The following GOLGA1 variants were observed in gnomAD, a reference collection of about 807,000 sequenced individuals.
GOLGA1 encodes the protein golgin subfamily A member 1.
A neutral mutation model predicts 119.7 loss-of-function variants in GOLGA1; 63 were observed. The observed-to-expected ratio is 0.53, with a 90% confidence interval of 0.43 to 0.65. GOLGA1 has a LOEUF of 0.65. Among genes scored for constraint, GOLGA1 ranks in the 30% least tolerant of loss-of-function variants. The pLI is 0.00. For synonymous variants in GOLGA1, 318 were observed against 333.4 expected, an observed-to-expected ratio of 0.95 and a Z score of 0.50; for missense variants, 798 against 912.8, an observed-to-expected ratio of 0.87 and a Z score of 1.62.
Position 124,932,956 on chromosome 9 carries a change from C to T in GOLGA1, c.136-1550G>A, listed in dbSNP as rs1428646367. Reference sequence around the variant, plus strand: ...TCGGAGACGATTCACCTCCTCATTCCATCACTCTAGTGATTAGGTTTCAAC... The same window carrying T: ...TCGGAGACGATTCACCTCCTCATTCTATCACTCTAGTGATTAGGTTTCAAC... On this transcript the variant is annotated intron_variant, in intron 3 of 22. Transcript: ENST00000373555. Among the ~76,000 whole-genome samples, 9 of 152,228 alleles carry T rather than the reference C, an allele frequency of 5.9e-5. No individual in the cohort carries two copies. In the East Asian group the frequency reaches 1.7e-3, roughly 29 times the overall value.
At chr9:124,920,889 C>T (rs1201793547) in intron 10 of GOLGA1, among the ~76,000 whole-genome samples, 3 of 151,004 alleles carry the variant, frequency 2.0e-5, no homozygotes, top group African/African-American at 7.3e-5. Flanking sequence ...ATATTTGAGT[C>T]GACCAAATGG....
In GOLGA1 at chr9:124,929,156, T is replaced by C. The variant is rs147165555; in HGVS notation, c.301+60A>G. 136 of 956,652 alleles carry C rather than the reference T, an allele frequency of 1.4e-4. 1 individual carries two copies. In the African/African-American group the frequency reaches 1.9e-3, roughly 13 times the overall value. 59.3% of individuals were successfully genotyped at this position (956,652 alleles called of 1,614,324 possible). A position where few individuals can be genotyped will look rare whatever the true frequency, so the allele number is the denominator to read the frequency against. ...AAGGACAAACTTAACCATACACTATTGTTTCATTTCAAAAACTAAACCTTG... is the reference window on the plus strand; with the variant it reads ...AAGGACAAACTTAACCATACACTATCGTTTCATTTCAAAAACTAAACCTTG... On this transcript the variant is annotated intron_variant, in intron 5 of 22. Transcript: ENST00000373555.
rs1299847047 is a variant in GOLGA1 at position 124,946,337 on chromosome 9, T to G, written c.-156+1581A>C. 1 of 152,220 alleles carries G rather than the reference T, an allele frequency of 6.6e-6. No homozygotes were observed. The highest frequency in any genetic ancestry group is 1.5e-5 in the Non-Finnish European group (1 of 68,034). The allele number at this position is 152,220 out of a possible 1,614,324, so 9.4% of individuals were successfully genotyped here. ...TACTATAATTGAAAAGTCTTATGAA[T>G]AGTTGGCTGTTTTATTTAAAATATA... On this transcript the variant is annotated intron_variant, in intron 1 of 4. Coordinates refer to the GOLGA1 transcript ENST00000421514. This position sits in a 1 kb window ranked among gnomAD's most constrained non-coding sequence, Gnocchi z 4.0.
At chr9:124,906,116 A>AAAATAAAT (rs60890510) in intron 12 of GOLGA1, among the ~76,000 whole-genome samples, 9,215 of 145,066 alleles carry the variant, frequency 0.064, 352 homozygotes, top group South Asian at 0.096. Context: ...GTGTCTCCAA[A>AAAATAAAT]AAATAAATAA....
At chr9:124,907,621 C>T (rs529749594) in intron 12 of GOLGA1, among the ~76,000 whole-genome samples, 1 of 152,038 alleles carries the variant, frequency 6.6e-6, no homozygotes, top group Admixed American at 6.6e-5. Context: ...AGACTGAAAC[C>T]CCCAAAGAAA....
At chr9:124,882,371 T>C (rs1588052425) in intron 20 of GOLGA1, 139 bp downstream of exon 20, 4 of 662,930 alleles carry the variant, frequency 6.0e-6, no homozygotes, top group East Asian at 2.7e-5. Flanking sequence ...CCAGCTAACG[T>C]TGGATTGCCC....
chr9:124,881,168 T>A lies in GOLGA1; in HGVS notation c.2223+3A>T. The stretch of plus-strand genomic sequence containing the variant: ...GCTGGAACAGTAGACCAGAGAACCC[T>A]ACCTTATATTCCAGAGTTTCCTTGA... On this transcript the variant is annotated splice_donor_region_variant and intron_variant, in intron 22 of 22. Coordinates refer to ENST00000373555, the MANE Select transcript of GOLGA1 (RefSeq NM_002077.4). The surrounding 1 kb of genome is among the most constrained non-coding windows in gnomAD (Gnocchi z 4.9). 1 of 1,456,270 alleles carries A rather than the reference T, an allele frequency of 6.9e-7. No homozygotes were observed. Among genetic ancestry groups the A allele is most frequent in the Non-Finnish European group, 9.7e-7 (1 of 1,034,976 alleles). 90.2% of individuals were successfully genotyped at this position (1,456,270 alleles called of 1,614,324 possible). A position where few individuals can be genotyped will look rare whatever the true frequency, so the allele number is the denominator to read the frequency against.
chr9:124,885,214 A>C (rs1047917969), intron 19 of GOLGA1, among the ~76,000 whole-genome samples: 1 of 152,056 alleles, frequency 6.6e-6, no homozygotes, highest in Non-Finnish European at 1.5e-5. Context: ...AGTCCCAGCT[A>C]CTTGGGAGGC....
Position 124,880,557 on chromosome 9 carries a change from G to A in GOLGA1, c.2277C>T (p.Ile759=), listed in dbSNP as rs1323143133. The A allele has an allele frequency of 1.9e-6, 3 of 1,609,438 alleles. No individual in the cohort carries two copies. The change falls in exon 23 of 23, where the codon ATC becomes ATT. Residue 759 remains isoleucine, a synonymous_variant. Coordinates refer to ENST00000373555, the MANE Select transcript of GOLGA1 (RefSeq NM_002077.4). ...PAPKGSIRPS[I]SNPRIPWS ...AGGACCATGGTATCCGAGGGTTTGA[G>A]ATAGACGGCCGGATGCTGCCCTTGG... is the stretch of plus-strand genomic sequence containing the variant.
At chr9:124,907,420 A>G (rs929964145) in intron 12 of GOLGA1, among the ~76,000 whole-genome samples, 9 of 152,246 alleles carry the variant, frequency 5.9e-5, no homozygotes, top group Admixed American at 5.2e-4. Context: ...TGACTTAGGA[A>G]CAGGAATAGA....
chr9:124,886,478 G>C (rs1829722864), intron 19 of GOLGA1, among the ~76,000 whole-genome samples: 1 of 152,188 alleles, frequency 6.6e-6, no homozygotes, highest in Non-Finnish European at 1.5e-5. Context: ...TGATGAGCTT[G>C]ACAAGAGTGT....
intron 15 of GOLGA1, 136 bp from the exon 16 acceptor site, chr9:124,890,614 C>T (rs549333887): frequency 1.4e-6 from 1 of 720,956 alleles, no homozygotes; most frequent in Non-Finnish European, 2.5e-6. Context: ...AGGCTCCCAG[C>T]CTGGCCCCTC....
At chr9:124,929,823 C>A (rs915710106) in intron 4 of GOLGA1, among the ~76,000 whole-genome samples, 1 of 152,066 alleles carries the variant, frequency 6.6e-6, no homozygotes, top group Non-Finnish European at 1.5e-5. Context: ...GTAACCTACG[C>A]TACATTAAAT....
upstream of GOLGA1, chr9:124,945,722 A>G (rs1831135563): frequency 6.6e-6 from 1 of 152,234 alleles, no homozygotes. Context: ...CTTCCCGTCA[A>G]TAGGTGATTG....
chr9:124,940,966 C>G lies in GOLGA1; in HGVS notation c.-206+5G>C, dbSNP rs990900794. 3.3e-5 allele frequency: 5 copies of G among 152,412 alleles called. No individual in the cohort carries two copies. The highest frequency in any genetic ancestry group is 5.9e-5 in the Non-Finnish European group (4 of 68,196). The allele number at this position is 152,412 out of a possible 1,614,324, so 9.4% of individuals were successfully genotyped here. A position where few individuals can be genotyped will look rare whatever the true frequency, so the allele number is the denominator to read the frequency against. Reference sequence around the variant, plus strand: ...CTCGCATTCCCGGAGTCCTGGCCCGCGCACCTGCCTCTCTCTGGGAAGCCA... The same window carrying G: ...CTCGCATTCCCGGAGTCCTGGCCCGGGCACCTGCCTCTCTCTGGGAAGCCA... On this transcript the variant is annotated splice_donor_5th_base_variant and intron_variant, in intron 1 of 22. Transcript: ENST00000373555.
intron 2 of GOLGA1, among the ~76,000 whole-genome samples, chr9:124,939,178 T>C (rs550870055): frequency 1.3e-5 from 2 of 152,194 alleles, no homozygotes; most frequent in East Asian, 3.9e-4. Context: ...CTATGACATA[T>C]AACACACTTG....
intron 4 of GOLGA1, among the ~76,000 whole-genome samples, chr9:124,930,192 A>G (rs1030808966): frequency 1.3e-5 from 2 of 152,188 alleles, no homozygotes; most frequent in African/African-American, 4.8e-5. Flanking sequence ...TCTCTAACGT[A>G]AGTCAAGCTC....
intron 15 of GOLGA1, among the ~76,000 whole-genome samples, chr9:124,894,277 T>C (rs1035945527): frequency 6.6e-6 from 1 of 152,216 alleles, no homozygotes; most frequent in African/African-American, 2.4e-5. Context: ...GGTGTGGCCC[T>C]GGCCTTCATT....
At chr9:124,929,801 C>T (rs959958396) in intron 4 of GOLGA1, among the ~76,000 whole-genome samples, 43 of 152,182 alleles carry the variant, frequency 2.8e-4, no homozygotes, top group African/African-American at 9.9e-4. Context: ...TCCCTTTCTA[C>T]ACAGGAACTT....
Sources: gnomAD v4.1 joint callset for allele counts (sites outside exome capture counted in the v4.1 genomes callset) on GRCh38, gnomAD v4.1.1 for gene constraint, Gnocchi (gnomAD v3.1) non-coding constraint, MANE v1.5 for transcripts, NCBI Gene and HGNC (gene_info 2026-07-23, HGNC 2026-07-21) for gene names.